The following RAD18 variants were observed in gnomAD, a reference collection of about 807,000 sequenced individuals.
The protein encoded by RAD18 is RAD18 E3 ubiquitin protein ligase, also known as E3 ubiquitin-protein ligase RAD18.
A neutral mutation model predicts 60.4 loss-of-function variants in RAD18; 47 were observed. The observed-to-expected ratio is 0.78, with a 90% CI of 0.62 to 0.99. The LOEUF is 0.99. Among genes scored for constraint, RAD18 ranks in the 50% least tolerant of loss-of-function variants. The pLI is 0.00. For synonymous variants in RAD18, 225 were observed against 195.5 expected (o/e 1.15, Z -1.26); for missense variants, 640 against 593.3 (o/e 1.08, Z -0.82).
At chr3:8,910,352 G>GCA (rs1940085366) in intron 9 of RAD18, among the ~76,000 whole-genome samples, 1 of 152,196 alleles carries the variant, frequency 6.6e-6, no homozygotes, top group African/African-American at 2.4e-5. Context: ...TGTAATCCCA[G>GCA]CACTTTGGGA....
chr3:8,912,576 C>T, intron 8 of RAD18: 1 of 344,680 alleles, frequency 2.9e-6, no homozygotes, highest in South Asian at 1.1e-4. Flanking sequence ...ATTATTTTTT[C>T]TCATCAGTAG....
At position 8,950,980 on chromosome 3, in the gene RAD18, A is replaced by G. The variant is rs2124840495; in HGVS notation, c.134-2410T>C. On this transcript the variant is annotated intron_variant, in intron 2 of 12. Coordinates refer to ENST00000264926, the MANE Select transcript of RAD18 (RefSeq NM_020165.4). ...CCAAAACTGAAAAGCAAAGAGAAAAAAAGACAGGAAAAATGGAATAGAATA... is the reference window on the plus strand; with the variant it reads ...CCAAAACTGAAAAGCAAAGAGAAAAGAAGACAGGAAAAATGGAATAGAATA... 2.0e-5 allele frequency among the ~76,000 whole-genome samples: 3 copies of G among 152,328 alleles called. No individual in the cohort carries two copies. The East Asian group carries it at 5.8e-4, about 29-fold the overall frequency.
chr3:8,957,864 G>A (rs981048015), intron 2 of RAD18, among the ~76,000 whole-genome samples: 3 of 152,098 alleles, frequency 2.0e-5, no homozygotes, highest in Admixed American at 2.0e-4. Flanking sequence ...CAAAATTCAT[G>A]AACACTTTTA....
chr3:8,947,450 T>C (rs1574825477), intron 3 of RAD18, among the ~76,000 whole-genome samples, 160 bp from the exon 4 acceptor site: 8 of 152,352 alleles, frequency 5.3e-5, no homozygotes, highest in Admixed American at 5.2e-4. Flanking sequence ...CATGCTAATA[T>C]GAAATTTTAA....
chr3:8,948,556 T>A lies in RAD18; in HGVS notation c.148A>T (p.Ile50Leu). The stretch of plus-strand genomic sequence containing the variant: ...GTTTTATAGGACAGAAATTTTCTTA[T>A]ACAGAGAGAGCAGTCTGCAAAACAC... ...QCSHNYCSLCIRKFLSYKTQC... is the reference protein window; with the variant it reads ...QCSHNYCSLCLRKFLSYKTQC... Residue 50 changes from isoleucine (I) to leucine (L), a missense_variant, in exon 3 of 13, where the codon ATA becomes TTA. Coordinates refer to ENST00000264926, the MANE Select transcript of RAD18 (RefSeq NM_020165.4). 1 of 1,612,550 alleles carries A rather than the reference T, an allele frequency of 6.2e-7. No homozygotes were observed. The highest frequency in any genetic ancestry group is 1.1e-5 in the South Asian group (1 of 90,906).
At chr3:8,955,839 A>C (rs1329542030) in intron 2 of RAD18, among the ~76,000 whole-genome samples, 1 of 152,138 alleles carries the variant, frequency 6.6e-6, no homozygotes, top group East Asian at 1.9e-4. Context: ...ACTAGTAAAG[A>C]TCTTTCTCTA....
chr3:8,913,594 T>C (rs1395974653), intron 8 of RAD18, 50 bp downstream of exon 8: 2 of 1,299,580 alleles, frequency 1.5e-6, no homozygotes, highest in South Asian at 1.6e-5. Context: ...TTGTAGGGTA[T>C]TAAACTTTCT....
chr3:8,925,662 A>G (rs990837633), intron 7 of RAD18, among the ~76,000 whole-genome samples: 2 of 152,254 alleles, frequency 1.3e-5, no homozygotes, highest in African/African-American at 2.4e-5. Context: ...AAAATCCTCA[A>G]TAAAATATTG....
Position 8,960,888 on chromosome 3 carries a change from C to T in RAD18, c.52-1887G>A, listed in dbSNP as rs45490493. 5.3e-3 allele frequency among the ~76,000 whole-genome samples: 805 copies of T among 151,986 alleles called. 5 individuals are homozygous for T. The highest frequency in any genetic ancestry group is 0.026 in the South Asian group (125 of 4,802). ...ATTCTGAATTTTAATTTTTTTCTAC[C>T]GTGTACACATATTACATTTACAATA... On this transcript the variant is annotated intron_variant, in intron 1 of 12. Coordinates refer to ENST00000264926, the MANE Select transcript of RAD18 (RefSeq NM_020165.4).
intron 12 of RAD18, among the ~76,000 whole-genome samples, chr3:8,888,472 C>G (rs960787768): frequency 1.3e-5 from 2 of 152,176 alleles, no homozygotes; most frequent in African/African-American, 4.8e-5. Flanking sequence ...ACTAACATCT[C>G]AAATATGCCA....
chr3:8,941,396 C>T, intron 5 of RAD18, 71 bp downstream of exon 5: 1 of 1,312,852 alleles, frequency 7.6e-7, no homozygotes, highest in Non-Finnish European at 1.0e-6. Context: ...CTCAAAGATG[C>T]TGCCTATTTA....
intron 5 of RAD18, among the ~76,000 whole-genome samples, chr3:8,940,484 G>A (rs568512764): frequency 1.3e-5 from 2 of 152,228 alleles, no homozygotes; most frequent in South Asian, 2.1e-4. Context: ...ATGTAAACAC[G>A]TTAAGTACTA....
intron 12 of RAD18, among the ~76,000 whole-genome samples, chr3:8,888,712 G>C (rs1334984819): frequency 1.3e-5 from 2 of 152,214 alleles, no homozygotes; most frequent in Non-Finnish European, 2.9e-5. Context: ...CTAGTCCTCG[G>C]ACCTTGACCA....
At position 8,934,088 on chromosome 3, in the gene RAD18, T is replaced by C. The variant is rs45539932; in HGVS notation, c.889+1783A>G. Among the ~76,000 whole-genome samples the C allele has an allele frequency of 7.6e-3, 1,148 of 152,036 alleles. 18 individuals carry two copies. The highest frequency in any genetic ancestry group is 0.026 in the African/African-American group (1,091 of 41,282). ...GTGCTGCATCAATTGGTTATTCATATGGAAAGAAAACAAGACAATCTTGTC... is the reference window on the plus strand; with the variant it reads ...GTGCTGCATCAATTGGTTATTCATACGGAAAGAAAACAAGACAATCTTGTC... On this transcript the variant is annotated intron_variant, in intron 7 of 12. Coordinates refer to ENST00000264926, the MANE Select transcript of RAD18 (RefSeq NM_020165.4).
chr3:8,930,613 C>T (rs947733744), intron 7 of RAD18, among the ~76,000 whole-genome samples: 2 of 151,966 alleles, frequency 1.3e-5, no homozygotes, highest in Admixed American at 6.6e-5. Context: ...TAAATCATAT[C>T]ACAAAATAAA....
chr3:8,953,462 C>T (rs1301192301), intron 2 of RAD18, among the ~76,000 whole-genome samples: 4 of 152,116 alleles, frequency 2.6e-5, no homozygotes, highest in Non-Finnish European at 5.9e-5. Flanking sequence ...TACTAGACTA[C>T]TACCAAATAT....
intron 10 of RAD18, among the ~76,000 whole-genome samples, chr3:8,901,303 T>G (rs1199497856): frequency 1.3e-5 from 2 of 152,156 alleles, no homozygotes; most frequent in East Asian, 3.8e-4. Context: ...AACCAGCATA[T>G]GAATCAGAAA....
chr3:8,900,466 TTAC>T (rs1315620206), intron 10 of RAD18, among the ~76,000 whole-genome samples: 1 of 152,236 alleles, frequency 6.6e-6, no homozygotes, highest in Non-Finnish European at 1.5e-5. Flanking sequence ...TCTTCCACTC[TTAC>T]ATACACTTCT....
chr3:8,933,778 A>T (rs1168547600), intron 7 of RAD18, among the ~76,000 whole-genome samples: 1 of 152,214 alleles, frequency 6.6e-6, no homozygotes, highest in Non-Finnish European at 1.5e-5. Context: ...TTGATCTATA[A>T]ATTCAATGTA....
Sources: allele counts gnomAD v4.1 joint callset (sites outside exome capture counted in the v4.1 genomes callset), GRCh38; gene constraint gnomAD v4.1.1; transcripts MANE v1.5; gene names NCBI Gene and HGNC (gene_info 2026-07-23, HGNC 2026-07-21).